Variants in RCAN2 observed in about 807,000 individuals in gnomAD.
RCAN2 encodes the protein calcipressin-2.
A neutral mutation model predicts 23.6 loss-of-function variants in RCAN2; 9 were observed. The ratio of observed to expected loss-of-function variants is 0.38; its 90% CI spans 0.23 to 0.67. The LOEUF (loss-of-function observed/expected upper bound fraction) is 0.67, where lower values mean the gene tolerates loss of function less well. Among genes scored for constraint, RCAN2 ranks in the 30% least tolerant of loss-of-function variants. The probability of loss-of-function intolerance (pLI) is 0.51; values close to 1 mark genes in which losing one functional copy is unlikely to be tolerated. For missense variants in RCAN2, 273 were observed against 302.3 expected, an observed-to-expected ratio of 0.90 and a Z score of 0.72; for synonymous variants, 109 against 115.7, an observed-to-expected ratio of 0.94 and a Z score of 0.37.
Position 46,235,229 on chromosome 6 carries a change from C to G in RCAN2, c.571+11519G>C, listed in dbSNP as rs77719403. On this transcript the variant is annotated intron_variant, in intron 4 of 4. Coordinates refer to ENST00000371374, the MANE Select transcript of RCAN2 (RefSeq NM_001251974.2). ...GCTTTTGAGATTCATTATTTAGATT[C>G]CTAATAAGAAAAACTCTATGATGGA... Among the ~76,000 whole-genome samples the G allele has an allele frequency of 7.9e-3, 1,197 of 152,204 alleles. 27 individuals are homozygous for G. Among genetic ancestry groups the G allele is most frequent in the African/African-American group, 0.028 (1,155 of 41,538 alleles).
chr6:46,399,937 G>T (rs1410377448), intron 2 of RCAN2, among the ~76,000 whole-genome samples: 1 of 152,140 alleles, frequency 6.6e-6, no homozygotes, highest in Admixed American at 6.5e-5. Flanking sequence ...ATACCACTAA[G>T]CTGTAAAGTG....
intron 2 of RCAN2, among the ~76,000 whole-genome samples, chr6:46,410,470 T>C (rs1201315026): frequency 6.6e-6 from 1 of 152,170 alleles, no homozygotes; most frequent in Non-Finnish European, 1.5e-5. Context: ...GTAACCAGGA[T>C]TGGTGAGAAA....
At chr6:46,344,948 C>T (rs1764438015) in intron 2 of RCAN2, among the ~76,000 whole-genome samples, 1 of 151,954 alleles carries the variant, frequency 6.6e-6, no homozygotes. Flanking sequence ...TAAAAAATCT[C>T]CCTTTTTCTC....
intron 1 of RCAN2, among the ~76,000 whole-genome samples, chr6:46,484,627 G>A (rs1051041810): frequency 2.4e-4 from 37 of 152,234 alleles, no homozygotes; most frequent in African/African-American, 7.2e-4. Flanking sequence ...GCATAAGTCC[G>A]CGTTAGCAGA....
At chr6:46,346,913 T>C (rs1451823173) in intron 2 of RCAN2, among the ~76,000 whole-genome samples, 1 of 152,102 alleles carries the variant, frequency 6.6e-6, no homozygotes, top group East Asian at 1.9e-4. Flanking sequence ...TCTCGCTCTG[T>C]CACCCAGGCT....
chr6:46,464,227 A>T (rs938797738), intron 1 of RCAN2, among the ~76,000 whole-genome samples: 1 of 152,242 alleles, frequency 6.6e-6, no homozygotes, highest in African/African-American at 2.4e-5. Context: ...AAATGAGCCA[A>T]GTTCAGAATT....
chr6:46,413,644 G>T (rs1208809876), intron 2 of RCAN2, among the ~76,000 whole-genome samples: 3 of 152,186 alleles, frequency 2.0e-5, no homozygotes, highest in Non-Finnish European at 4.4e-5. Context: ...GGATCCCTTA[G>T]ATCAGAGCTG....
At chr6:46,430,390 T>C (rs1767160735) in intron 2 of RCAN2, among the ~76,000 whole-genome samples, 1 of 152,194 alleles carries the variant, frequency 6.6e-6, no homozygotes, top group Non-Finnish European at 1.5e-5. Context: ...GGAGACCTGG[T>C]TAGCAGATGG....
At chr6:46,235,247 A>G (rs1766051006) in intron 4 of RCAN2, among the ~76,000 whole-genome samples, 2 of 152,234 alleles carry the variant, frequency 1.3e-5, no homozygotes, top group African/African-American at 4.8e-5. Flanking sequence ...GAAAAACTCT[A>G]TGATGGAAGG....
rs1163192680 is a variant in RCAN2, at chr6:46,323,480, G to A, written c.226-74584C>T. On this transcript the variant is annotated intron_variant, in intron 2 of 4. Transcript: ENST00000371374. Reference sequence around the variant, plus strand: ...CATATTTCTGGTAACAGTCTTCCTCGAAAAACCTCATAAATTTATGAAGAA... The same window carrying A: ...CATATTTCTGGTAACAGTCTTCCTCAAAAAACCTCATAAATTTATGAAGAA... Among the ~76,000 whole-genome samples, 11 of 151,790 alleles carry A rather than the reference G, an allele frequency of 7.2e-5. No individual in the cohort carries two copies. In the East Asian group the frequency reaches 1.4e-3, roughly 19 times the overall value.
chr6:46,372,399 A>G lies in RCAN2; in HGVS notation c.225+84353T>C, dbSNP rs554739268. The stretch of plus-strand genomic sequence containing the variant: ...AAAATTAAAGCTTAGAGGTGGAAGC[A>G]TGTTGCCCAAGATTACCTGTAAACA... On this transcript the variant is annotated intron_variant, in intron 2 of 4. Transcript: ENST00000371374. Among the ~76,000 whole-genome samples the G allele has an allele frequency of 2.1e-3, 314 of 152,346 alleles. 2 individuals carry two copies. Among genetic ancestry groups the G allele is most frequent in the African/African-American group, 7.3e-3 (302 of 41,586 alleles).
intron 2 of RCAN2, among the ~76,000 whole-genome samples, chr6:46,296,865 G>A (rs1271178398): frequency 2.0e-5 from 3 of 152,036 alleles, no homozygotes; most frequent in Admixed American, 6.6e-5. Context: ...TCTGCTACCA[G>A]TTTCTGCTTT....
intron 3 of RCAN2, 112 bp downstream of exon 3, chr6:46,248,607 GAATT>G: frequency 2.5e-6 from 2 of 806,064 alleles, no homozygotes; most frequent in Non-Finnish European, 3.7e-6. Context: ...ATTTCTCAGT[GAATT>G]AATTTATAGA....
rs1765455954 is a variant in RCAN2, at chr6:46,220,936, A to G, written c.*2205T>C. On this transcript the variant is annotated 3_prime_UTR_variant, in exon 5 of 5. Transcript: ENST00000371374. Reference sequence around the variant, plus strand: ...CACAGTGCTAGGAGGTTCCCTTGCAACACTTCAAGGAGTCTTTCCATTTCT... The same window carrying G: ...CACAGTGCTAGGAGGTTCCCTTGCAGCACTTCAAGGAGTCTTTCCATTTCT... 2.0e-5 allele frequency: 3 copies of G among 152,804 alleles called. No homozygotes were observed. In the South Asian group the frequency reaches 6.2e-4, roughly 32 times the overall value. 9.5% of individuals were successfully genotyped at this position (152,804 alleles called of 1,614,324 possible).
chr6:46,424,360 C>A (rs944034981), intron 2 of RCAN2, among the ~76,000 whole-genome samples: 9 of 152,234 alleles, frequency 5.9e-5, no homozygotes, highest in African/African-American at 2.2e-4. Context: ...GGACTCAAAT[C>A]CCAGCAGACA....
intron 4 of RCAN2, among the ~76,000 whole-genome samples, chr6:46,235,095 C>A (rs1010868438): frequency 2.6e-5 from 4 of 152,318 alleles, no homozygotes; most frequent in Admixed American, 6.5e-5. Context: ...CTCTTAAATT[C>A]TTTCTAAAAT....
intron 1 of RCAN2, among the ~76,000 whole-genome samples, chr6:46,482,831 T>G (rs1394876060): frequency 2.0e-5 from 3 of 152,202 alleles, no homozygotes; most frequent in Non-Finnish European, 4.4e-5. Flanking sequence ...ATGTTTAATC[T>G]TTATCACCCA....
intron 2 of RCAN2, among the ~76,000 whole-genome samples, chr6:46,397,853 C>T (rs749558027): frequency 8.5e-5 from 13 of 152,090 alleles, no homozygotes; most frequent in Admixed American, 3.3e-4. Context: ...ATAATTAACA[C>T]GTGAAAAAAT....
chr6:46,425,054 T>C (rs978094182), intron 2 of RCAN2, among the ~76,000 whole-genome samples: 51 of 152,168 alleles, frequency 3.4e-4, no homozygotes, highest in African/African-American at 1.2e-3. Flanking sequence ...GGCATGCATG[T>C]GGTCCCCTTT....
Sources: gnomAD v4.1 joint callset for allele counts (sites outside exome capture counted in the v4.1 genomes callset) on GRCh38, gnomAD v4.1.1 for gene constraint, MANE v1.5 for transcripts, NCBI Gene and HGNC (gene_info 2026-07-23, HGNC 2026-07-21) for gene names.